The following CD164 variants were observed in gnomAD, a reference collection of about 807,000 sequenced individuals.
The protein encoded by CD164 is sialomucin core protein 24.
In CD164, 11 loss-of-function variants were observed where a neutral mutation model predicts 24.6. The observed-to-expected ratio is 0.45, with a 90% CI of 0.28 to 0.74. The LOEUF is 0.74. Ranked by LOEUF, CD164 falls within the 30% of genes least tolerant of loss-of-function variation. The pLI is 0.13. For synonymous variants in CD164, 126 were observed against 100.3 expected (o/e 1.26, Z -1.53); for missense variants, 295 against 243.7 (o/e 1.21, Z -1.40).
At chr6:109,370,589 G>T in intron 4 of CD164, 122 bp from the exon 5 acceptor site, 1 of 779,340 alleles carries the variant, frequency 1.3e-6, no homozygotes, top group South Asian at 1.7e-5. Flanking sequence ...GAGACCAAAA[G>T]CCAAATTTCA....
chr6:109,381,558 C>T (rs1386313690), intron 1 of CD164: 1 of 702,578 alleles, frequency 1.4e-6, no homozygotes. Flanking sequence ...TACATGGGTA[C>T]TTTTCTTCCT....
intron 3 of CD164, among the ~76,000 whole-genome samples, chr6:109,376,557 T>G (rs1028221275): frequency 1.3e-5 from 2 of 152,318 alleles, no homozygotes; most frequent in South Asian, 4.1e-4. Flanking sequence ...TCCCTAATGG[T>G]TGCAGAGCTG....
At position 109,368,898 on chromosome 6, in the gene CD164, G is replaced by A. The variant is rs78544985; in HGVS notation, c.547C>T (p.Leu183Phe). The A allele has an allele frequency of 6.2e-7, 1 of 1,613,286 alleles. No homozygotes were observed. Among genetic ancestry groups the A allele is most frequent in the South Asian group, 1.1e-5 (1 of 91,026 alleles). ...VLGVQAVIFF[L>F]YKFCKSKERN... ...TCTTTAGATTTGCAGAATTTATAAA[G>A]AAAGAAAATTACAGCCTGCACACCC... is the stretch of plus-strand genomic sequence containing the variant. The change falls in exon 6 of 6, where the codon CTT becomes TTT. Residue 183 changes from leucine (L) to phenylalanine (F), a missense_variant. Transcript: ENST00000310786.
In CD164 at chr6:109,382,016, G is replaced by A. The variant is rs1002994930; in HGVS notation, c.175+188C>T. 1.4e-5 allele frequency: 6 copies of A among 435,542 alleles called. No homozygotes were observed. In the Admixed American group the frequency reaches 1.9e-4, roughly 13 times the overall value. The allele number at this position is 435,542 out of a possible 1,614,324, so 27.0% of individuals were successfully genotyped here. A position where few individuals can be genotyped will look rare whatever the true frequency, so the allele number is the denominator to read the frequency against. ...CCGCGCGTCCGCTTCCCCCCAGCGC[G>A]CTCCCCACCCGGCCCGGCCACGAGT... On this transcript the variant is annotated intron_variant, in intron 1 of 5. Transcript: ENST00000310786.
intron 1 of CD164, chr6:109,381,393 G>C (rs532281775): frequency 1.5e-6 from 1 of 663,910 alleles, no homozygotes; most frequent in South Asian, 1.7e-5. Flanking sequence ...TCTGAGCACA[G>C]GACATAGTTA....
rs368514410 is a variant in CD164 at position 109,369,029 on chromosome 6, G to T, written c.428-12C>A. 1.3e-6 allele frequency: 2 copies of T among 1,599,678 alleles called. No individual in the cohort carries two copies. Among genetic ancestry groups the T allele is most frequent in the Admixed American group, 3.6e-5 (2 of 55,844 alleles). ...GTTATTTGTTGTACCTGTTAGATAA[G>T]ACAAAAGAAACAACAATCCTAAGTT... On this transcript the variant is annotated splice_polypyrimidine_tract_variant and intron_variant, in intron 5 of 5. Transcript: ENST00000310786.
At chr6:109,376,201 T>G (rs527338081) in intron 3 of CD164, 89 bp from the exon 4 acceptor site, 2 of 845,056 alleles carry the variant, frequency 2.4e-6, no homozygotes, top group South Asian at 4.2e-5. Context: ...CCTGCAATCA[T>G]TTGAGTACTT....
intron 3 of CD164, among the ~76,000 whole-genome samples, chr6:109,376,356 G>A (rs1221818873): frequency 1.3e-5 from 2 of 152,134 alleles, no homozygotes; most frequent in African/African-American, 4.8e-5. Flanking sequence ...AGTCTCCAGT[G>A]CTTCCAGGCC....
At chr6:109,372,611 G>C (rs1447076730) in intron 4 of CD164, 5 of 152,102 alleles carry the variant, frequency 3.3e-5, no homozygotes, top group Non-Finnish European at 5.9e-5. Context: ...TCCATGCTGA[G>C]AAAATCTTAC....
In CD164 at chr6:109,382,439, C is replaced by G. The variant is rs1458023507; in HGVS notation, c.-61G>C. The G allele has an allele frequency of 1.4e-6, 2 of 1,394,036 alleles. No individual in the cohort carries two copies. Among genetic ancestry groups the G allele is most frequent in the African/African-American group, 1.5e-5 (1 of 67,664 alleles). 86.4% of individuals were successfully genotyped at this position (1,394,036 alleles called of 1,614,324 possible). On this transcript the variant is annotated 5_prime_UTR_variant, in exon 1 of 6. Coordinates refer to ENST00000310786, the MANE Select transcript of CD164 (RefSeq NM_006016.6). ...GGCTCGCAACGCTCAGTCAACCCCT[C>G]AATCCCCTGCGGCGCCGCCTCCGAG...
Position 109,368,331 on chromosome 6 carries a change from G to C in CD164, c.*520C>G, listed in dbSNP as rs1459612760. 2 of 1,537,808 alleles carry C rather than the reference G, an allele frequency of 1.3e-6. No homozygotes were observed. The highest frequency in any genetic ancestry group is 2.5e-5 in the East Asian group (1 of 40,432). On this transcript the variant is annotated 3_prime_UTR_variant, in exon 6 of 6. Coordinates refer to ENST00000310786, the MANE Select transcript of CD164 (RefSeq NM_006016.6). ...CCTTGTGTGGCATCTTATTTCTAAT[G>C]TAGAAAAAACAGCTGTTATCAAGCA...
intron 4 of CD164, 146 bp downstream of exon 4, chr6:109,375,928 C>T (rs555958879): frequency 4.8e-5 from 30 of 622,372 alleles, no homozygotes; most frequent in South Asian, 2.2e-4. Context: ...TAGAGATTAA[C>T]GTTAATTGCT....
Position 109,368,630 on chromosome 6 carries a change from C to A in CD164, c.*221G>T, listed in dbSNP as rs1435356735. 2.2e-6 allele frequency: 3 copies of A among 1,351,316 alleles called. No individual in the cohort carries two copies. The highest frequency in any genetic ancestry group is 2.8e-6 in the Non-Finnish European group (3 of 1,057,546). The allele number at this position is 1,351,316 out of a possible 1,614,324, so 83.7% of individuals were successfully genotyped here. A position where few individuals can be genotyped will look rare whatever the true frequency, so the allele number is the denominator to read the frequency against. ...GCAGCAGCTATTTAAAATAAGACAG[C>A]CACAGGATTCATGCAGAATATTTTA... On this transcript the variant is annotated 3_prime_UTR_variant, in exon 6 of 6. Coordinates refer to ENST00000310786, the MANE Select transcript of CD164 (RefSeq NM_006016.6).
intron 4 of CD164, chr6:109,370,738 T>C: frequency 3.0e-6 from 1 of 331,368 alleles, no homozygotes; most frequent in Non-Finnish European, 5.6e-6. Context: ...GGATAAAATT[T>C]GCGAAAACTC....
At chr6:109,370,302 C>A in intron 5 of CD164, 109 bp downstream of exon 5, 2 of 832,164 alleles carry the variant, frequency 2.4e-6, no homozygotes, top group Non-Finnish European at 2.0e-6. Context: ...AGAAGAATTT[C>A]AGTTCCATAA....
At chr6:109,381,373 A>G (rs560704642) in intron 1 of CD164, 8 of 630,868 alleles carry the variant, frequency 1.3e-5, no homozygotes, top group Middle Eastern at 2.9e-4. Flanking sequence ...GACCTACTAA[A>G]CATACGCTAT....
chr6:109,370,329 C>G (rs759792213), intron 5 of CD164, 82 bp downstream of exon 5: 2 of 1,148,680 alleles, frequency 1.7e-6, no homozygotes, highest in East Asian at 4.8e-5. Flanking sequence ...ACGAAGAAAG[C>G]TGGAAAATGA....
At chr6:109,377,247 C>G (rs1175538312) in intron 3 of CD164, among the ~76,000 whole-genome samples, 1 of 152,140 alleles carries the variant, frequency 6.6e-6, no homozygotes, top group African/African-American at 2.4e-5. Flanking sequence ...TGGGGCAACC[C>G]CTACCAAAAT....
intron 4 of CD164, 85 bp from the exon 5 acceptor site, chr6:109,370,552 CA>C (rs1771022495): frequency 2.5e-6 from 3 of 1,187,074 alleles, no homozygotes; most frequent in Admixed American, 2.4e-5. Flanking sequence ...ATAATCCTGC[CA>C]ACTTCAACAT....
Sources: allele counts gnomAD v4.1 joint callset (sites outside exome capture counted in the v4.1 genomes callset), GRCh38; gene constraint gnomAD v4.1.1; transcripts MANE v1.5; gene names NCBI Gene and HGNC (gene_info 2026-07-23, HGNC 2026-07-21).